RBFOX1: variants seen among roughly 807,000 people sequenced by gnomAD.
RBFOX1 encodes RNA binding protein fox-1 homolog 1.
RBFOX1 carries 8 observed loss-of-function variants against 57.7 expected under a neutral mutation model. The ratio of observed to expected loss-of-function variants is 0.14; its 90% CI spans 0.08 to 0.25. RBFOX1 has a LOEUF of 0.25. Ranked by LOEUF, RBFOX1 falls within the 10% of genes least tolerant of loss-of-function variation. The pLI, the probability that RBFOX1 is intolerant of heterozygous loss-of-function variation, is 1.00. For synonymous variants in RBFOX1, 326 were observed against 222.4 expected (o/e 1.47, Z -4.15); for missense variants, 611 against 548.5 (o/e 1.11, Z -1.14).
At chr16:5,900,608 T>C (rs2058283664) in intron 4 of RBFOX1, among the ~76,000 whole-genome samples, 1 of 152,166 alleles carries the variant, frequency 6.6e-6, no homozygotes, top group African/African-American at 2.4e-5. Context: ...TCCGTATTCT[T>C]CCCAGGCCAT....
At chr16:7,157,182 C>G (rs929772924) in intron 4 of RBFOX1, among the ~76,000 whole-genome samples, 1 of 152,216 alleles carries the variant, frequency 6.6e-6, no homozygotes, top group Non-Finnish European at 1.5e-5. Flanking sequence ...TCGTTTCAGC[C>G]TTAGAATTGC....
intron 3 of RBFOX1, among the ~76,000 whole-genome samples, chr16:7,012,273 C>G (rs2093688393): frequency 6.6e-6 from 1 of 152,288 alleles, no homozygotes; most frequent in East Asian, 1.9e-4. Flanking sequence ...TTTAAAGATA[C>G]AGGATCTGAG....
intron 4 of RBFOX1, among the ~76,000 whole-genome samples, chr16:5,967,540 A>G (rs1000085768): frequency 1.3e-5 from 2 of 152,178 alleles, no homozygotes; most frequent in African/African-American, 2.4e-5. Flanking sequence ...CATCGTTTCT[A>G]TGCCTTTATA....
At chr16:6,424,139 T>TGAGGCAGGAGAATCACTTG (rs2152993436) in intron 2 of RBFOX1, among the ~76,000 whole-genome samples, 1 of 152,300 alleles carries the variant, frequency 6.6e-6, no homozygotes, top group South Asian at 2.1e-4. Flanking sequence ...CTCGGGAGGC[T>TGAGGCAGGAGAATCACTTG]GAGGCAGGAG....
intron 3 of RBFOX1, chr16:6,704,440 C>T (rs1353216542): frequency 2.0e-5 from 3 of 152,304 alleles, no homozygotes; most frequent in Admixed American, 2.0e-4. Context: ...GCCCACATGG[C>T]TCTAGCTGGG....
At chr16:7,667,315 C>G (rs1329012907) in intron 13 of RBFOX1, among the ~76,000 whole-genome samples, 1 of 152,142 alleles carries the variant, frequency 6.6e-6, no homozygotes, top group Non-Finnish European at 1.5e-5. Flanking sequence ...AACAAGAGGT[C>G]TTTGATGACC....
intron 1 of RBFOX1, among the ~76,000 whole-genome samples, chr16:6,104,590 C>A (rs2096355620): frequency 6.6e-6 from 1 of 152,192 alleles, no homozygotes; most frequent in Non-Finnish European, 1.5e-5. Context: ...CCCTCAGCCC[C>A]AGGCAACCAC....
intron 3 of RBFOX1, among the ~76,000 whole-genome samples, chr16:5,799,456 A>G (rs868208935): frequency 7.9e-5 from 12 of 152,194 alleles, no homozygotes; most frequent in South Asian, 2.1e-4. Flanking sequence ...TGATGGTTTG[A>G]GTTATAATTT....
At chr16:5,887,845 G>A (rs1328049642) in intron 4 of RBFOX1, among the ~76,000 whole-genome samples, 3 of 152,174 alleles carry the variant, frequency 2.0e-5, no homozygotes, top group African/African-American at 7.2e-5. Context: ...TTAGGAGAGA[G>A]ATTTTTTGCA....
chr16:7,042,246 G>T (rs972413573), intron 3 of RBFOX1, among the ~76,000 whole-genome samples: 2 of 152,190 alleles, frequency 1.3e-5, no homozygotes, highest in Non-Finnish European at 2.9e-5. Flanking sequence ...AGTAGCTAAT[G>T]AGCACCTGCT....
chr16:6,283,765 C>G (rs1423638563), intron 1 of RBFOX1, among the ~76,000 whole-genome samples: 1 of 152,126 alleles, frequency 6.6e-6, no homozygotes, highest in African/African-American at 2.4e-5. Flanking sequence ...CTTTGCAGTA[C>G]TCTAATTAGA....
chr16:5,580,483 A>T (rs1285920585), intron 2 of RBFOX1, among the ~76,000 whole-genome samples: 1 of 152,182 alleles, frequency 6.6e-6, no homozygotes, highest in Non-Finnish European at 1.5e-5. Context: ...GGTGACTTGG[A>T]TGCCACCTGC....
At chr16:6,800,213 C>T (rs1044249494) in intron 3 of RBFOX1, among the ~76,000 whole-genome samples, 9 of 145,894 alleles carry the variant, frequency 6.2e-5, no homozygotes, top group Admixed American at 2.0e-4. Context: ...TGTTTTCCTG[C>T]CTCATAACCA....
In RBFOX1 at chr16:7,273,200, C is replaced by CCCTTCCTTCCTCCCTTCCTT. The variant is rs71147679; in HGVS notation, c.27+221105_27+221106insTCCTTCCTCCCTTCCTTCCT. On this transcript the variant is annotated intron_variant, in intron 4 of 15. Coordinates refer to ENST00000550418, the MANE Select transcript of RBFOX1 (RefSeq NM_018723.4). ...TCCCTTCCTTCCTCCCTTCCTTCCTCCCTCCCTTCCTTCCTTCCTTCCTTC... is the reference window on the plus strand; with the variant it reads ...TCCCTTCCTTCCTCCCTTCCTTCCTCCCTTCCTTCCTCCCTTCCTTCCTCCCTTCCTTCCTTCCTTCCTTC... Among the ~76,000 whole-genome samples the CCCTTCCTTCCTCCCTTCCTT allele has an allele frequency of 3.4e-3, 180 of 53,378 alleles. 18 individuals carry two copies. Among genetic ancestry groups the CCCTTCCTTCCTCCCTTCCTT allele is most frequent in the Non-Finnish European group, 4.6e-3 (127 of 27,790 alleles). The allele number at this position is 53,378 out of a possible 152,430, so 35.0% of individuals were successfully genotyped here. A position where few individuals can be genotyped will look rare whatever the true frequency, so the allele number is the denominator to read the frequency against.
intron 2 of RBFOX1, among the ~76,000 whole-genome samples, chr16:6,322,839 G>C (rs1278815743): frequency 6.6e-6 from 1 of 152,150 alleles, no homozygotes; most frequent in African/African-American, 2.4e-5. Context: ...CCAGGCACAG[G>C]GTGGGTTTCA....
intron 4 of RBFOX1, among the ~76,000 whole-genome samples, chr16:5,893,179 T>G (rs1037746542): frequency 3.9e-5 from 6 of 152,180 alleles, no homozygotes; most frequent in Non-Finnish European, 8.8e-5. Flanking sequence ...CAGCTGATGC[T>G]CCAGAAGTAT....
At chr16:6,580,043 C>T (rs954214750) in intron 2 of RBFOX1, among the ~76,000 whole-genome samples, 1 of 152,134 alleles carries the variant, frequency 6.6e-6, no homozygotes, top group Non-Finnish European at 1.5e-5. Flanking sequence ...ACTGCAACTT[C>T]TGCCTCCCGG....
chr16:5,894,776 C>T (rs933814676), intron 4 of RBFOX1, among the ~76,000 whole-genome samples: 17 of 151,874 alleles, frequency 1.1e-4, no homozygotes, highest in Non-Finnish European at 8.8e-5. Context: ...AATCCCAGCA[C>T]TTTGGGAGGC....
In RBFOX1 at chr16:5,275,067, C is replaced by A. The variant is rs187067353; in HGVS notation, c.219+34962C>A. Among the ~76,000 whole-genome samples the A allele has an allele frequency of 3.4e-3, 521 of 152,312 alleles. 7 individuals carry two copies. Among genetic ancestry groups the A allele is most frequent in the South Asian group, 0.033 (160 of 4,822 alleles). ...GCTGCTCTTGCCTTCTGCTTTTGGT[C>A]ACAGAGGCTGCCACAATCCGCCTGT... On this transcript the variant is annotated intron_variant, in intron 1 of 2. Transcript: ENST00000585867.
Sources: allele counts gnomAD v4.1 joint callset (sites outside exome capture counted in the v4.1 genomes callset), GRCh38; gene constraint gnomAD v4.1.1; transcripts MANE v1.5; gene names NCBI Gene and HGNC (gene_info 2026-07-23, HGNC 2026-07-21).